The following LAMA2 variants were observed in gnomAD, a reference collection of about 807,000 sequenced individuals.
LAMA2 encodes the protein laminin subunit alpha-2.
In LAMA2, 269 loss-of-function variants were observed where a neutral mutation model predicts 364.8. The observed-to-expected ratio is 0.74, with a 90% confidence interval of 0.67 to 0.82. LAMA2 has a LOEUF of 0.82. Ranked by LOEUF, LAMA2 falls within the 40% of genes least tolerant of loss-of-function variation. The pLI, the probability that LAMA2 is intolerant of heterozygous loss-of-function variation, is 0.00. For synonymous variants in LAMA2, 1,379 were observed against 1,370.6 expected, an observed-to-expected ratio of 1.01 and a Z score of -0.14; for missense variants, 3,807 against 3,873.2, an observed-to-expected ratio of 0.98 and a Z score of 0.45.
At chr6:129,428,005 T>G in intron 41 of LAMA2, 151 bp downstream of exon 41, 1 of 665,896 alleles carries the variant, frequency 1.5e-6, no homozygotes, top group Non-Finnish European at 2.7e-6. Flanking sequence ...TTCTCACTAG[T>G]TTTACAAAAT....
At chr6:129,264,679 T>C (rs560244416) in intron 15 of LAMA2, among the ~76,000 whole-genome samples, 191 of 152,018 alleles carry the variant, frequency 1.3e-3, no homozygotes, top group Non-Finnish European at 1.9e-3. Flanking sequence ...AGAAATATGC[T>C]AGAAATTTGG....
At chr6:128,994,710 G>A (rs1262716472) in intron 1 of LAMA2, among the ~76,000 whole-genome samples, 1 of 152,070 alleles carries the variant, frequency 6.6e-6, no homozygotes, top group East Asian at 1.9e-4. Context: ...TTTCTGGGCA[G>A]AGAAAATTAA....
At chr6:129,140,133 C>T (rs1357907062) in intron 4 of LAMA2, among the ~76,000 whole-genome samples, 1 of 152,042 alleles carries the variant, frequency 6.6e-6, no homozygotes, top group Non-Finnish European at 1.5e-5. Context: ...AATGGAAAAT[C>T]GTCTATACGA....
At chr6:129,348,691 T>C (rs1312419514) in intron 30 of LAMA2, among the ~76,000 whole-genome samples, 1 of 152,188 alleles carries the variant, frequency 6.6e-6, no homozygotes, top group Non-Finnish European at 1.5e-5. Flanking sequence ...ATAGTCATTT[T>C]CATAGAAAAA....
intron 2 of LAMA2, among the ~76,000 whole-genome samples, chr6:129,057,387 C>T (rs578245443): frequency 2.0e-5 from 3 of 152,076 alleles, no homozygotes; most frequent in African/African-American, 7.2e-5. Context: ...AATAATTGTC[C>T]TCCATTTTGA....
intron 1 of LAMA2, among the ~76,000 whole-genome samples, chr6:128,961,374 T>A (rs1226987346): frequency 8.9e-6 from 1 of 112,538 alleles, no homozygotes; most frequent in Non-Finnish European, 1.8e-5. Flanking sequence ...TATATTAGTT[T>A]ATTAAGTATT....
chr6:129,516,532 T>TATAA lies in LAMA2; in HGVS notation c.*190_*193dup. The TATAA allele has an allele frequency of 1.8e-6, 1 of 549,172 alleles. No individual in the cohort carries two copies. Among genetic ancestry groups the TATAA allele is most frequent in the Admixed American group, 3.6e-5 (1 of 27,702 alleles). 34.0% of individuals were successfully genotyped at this position (549,172 alleles called of 1,614,324 possible). A position where few individuals can be genotyped will look rare whatever the true frequency, so the allele number is the denominator to read the frequency against. On this transcript the variant is annotated 3_prime_UTR_variant, in exon 65 of 65. Transcript: ENST00000421865. Reference sequence around the variant, plus strand: ...TTTAATTCAAGTTCTTTCTCAAGTCTATAAATAATATTAAACTGATTATTT... The same window carrying TATAA: ...TTTAATTCAAGTTCTTTCTCAAGTCTATAAATAAATAATATTAAACTGATTATTT...
chr6:129,251,442 GT>G (rs896822098), intron 13 of LAMA2, among the ~76,000 whole-genome samples: 3 of 152,020 alleles, frequency 2.0e-5, no homozygotes, highest in Non-Finnish European at 4.4e-5. Context: ...AATTCAAGGT[GT>G]TTGTAATCAC....
At chr6:129,246,614 A>G (rs948197914) in intron 12 of LAMA2, among the ~76,000 whole-genome samples, 1 of 152,210 alleles carries the variant, frequency 6.6e-6, no homozygotes, top group Non-Finnish European at 1.5e-5. Flanking sequence ...GGGAAGTGCA[A>G]CAACATATGA....
intron 1 of LAMA2, among the ~76,000 whole-genome samples, chr6:128,900,987 T>A (rs4551189): frequency 1.3e-5 from 2 of 151,994 alleles, no homozygotes; most frequent in Non-Finnish European, 2.9e-5. Flanking sequence ...TCCCTGCCTC[T>A]ACAAAAATAA....
At chr6:129,490,226 C>T (rs553750217) in intron 56 of LAMA2, among the ~76,000 whole-genome samples, 11 of 152,224 alleles carry the variant, frequency 7.2e-5, no homozygotes, top group South Asian at 6.2e-4. Flanking sequence ...TAATATTTTC[C>T]GCTGTTTGAA....
chr6:129,248,741 C>A (rs1275173386), intron 12 of LAMA2, among the ~76,000 whole-genome samples: 7 of 151,754 alleles, frequency 4.6e-5, no homozygotes, highest in Non-Finnish European at 1.0e-4. Flanking sequence ...ACTTTTTTTT[C>A]TCCTGCCTTT....
intron 3 of LAMA2, among the ~76,000 whole-genome samples, chr6:129,065,310 G>A (rs1001067057): frequency 2.0e-5 from 3 of 152,120 alleles, no homozygotes; most frequent in Admixed American, 6.6e-5. Flanking sequence ...ATACTCAATA[G>A]TGAAAAGCTG....
intron 39 of LAMA2, 134 bp downstream of exon 39, chr6:129,402,621 C>CCACAGAAAGGCCA: frequency 1.1e-6 from 1 of 893,644 alleles, no homozygotes; most frequent in Non-Finnish European, 1.8e-6. Flanking sequence ...TATGGCCTTT[C>CCACAGAAAGGCCA]TGTGGATAGG....
chr6:129,033,565 AT>A (rs202040849), intron 1 of LAMA2, among the ~76,000 whole-genome samples: 3 of 151,966 alleles, frequency 2.0e-5, no homozygotes, highest in African/African-American at 4.8e-5. Flanking sequence ...AAAGCCCTAA[AT>A]TTTTTTTGTT....
chr6:129,068,859 A>G (rs1280437856), intron 3 of LAMA2, among the ~76,000 whole-genome samples: 1 of 152,186 alleles, frequency 6.6e-6, no homozygotes, highest in African/African-American at 2.4e-5. Context: ...TTTGCTTGAC[A>G]TTGTATTTTT....
intron 1 of LAMA2, among the ~76,000 whole-genome samples, chr6:128,893,934 T>C (rs1169748345): frequency 6.6e-6 from 1 of 152,080 alleles, no homozygotes; most frequent in Non-Finnish European, 1.5e-5. Context: ...GCGTTCAAAT[T>C]ATTACATGTT....
intron 40 of LAMA2, among the ~76,000 whole-genome samples, chr6:129,410,749 GATA>G (rs1474599316): frequency 2.8e-4 from 32 of 113,290 alleles, no homozygotes; most frequent in African/African-American, 1.1e-3. Context: ...TAGATAGATA[GATA>G]GATAATAGAT....
At chr6:129,391,469 A>C (rs201895025) in intron 35 of LAMA2, 22 bp from the exon 36 acceptor site, 1 of 1,604,496 alleles carries the variant, frequency 6.2e-7, no homozygotes, top group East Asian at 2.2e-5. Flanking sequence ...CTAATTTACA[A>C]AATTTGTTTT....
Sources: gnomAD v4.1 joint callset for allele counts (sites outside exome capture counted in the v4.1 genomes callset) on GRCh38, gnomAD v4.1.1 for gene constraint, MANE v1.5 for transcripts, NCBI Gene and HGNC (gene_info 2026-07-23, HGNC 2026-07-21) for gene names.